The following BTBD9 variants were observed in gnomAD, a reference collection of about 807,000 sequenced individuals.
The protein encoded by BTBD9 is BTB/POZ domain-containing protein 9.
Under a neutral mutation model 64.3 loss-of-function variants are expected in BTBD9, and 49 were observed. The observed-to-expected ratio is 0.76, with a 90% CI of 0.61 to 0.97. The LOEUF (loss-of-function observed/expected upper bound fraction) is 0.97. BTBD9 is among the 50% of genes least tolerant of loss of function. The pLI, the probability that BTBD9 is intolerant of heterozygous loss-of-function variation, is 0.00. For synonymous variants in BTBD9, 260 were observed against 274.7 expected (o/e 0.95, Z 0.53); for missense variants, 598 against 762.1 (o/e 0.78, Z 2.53).
At chr6:38,592,513 G>C in intron 4 of BTBD9, 63 bp downstream of exon 4, 1 of 1,578,828 alleles carries the variant, frequency 6.3e-7, no homozygotes, top group Non-Finnish European at 8.6e-7. Flanking sequence ...TAGCTTTGCG[G>C]TTTTAATGGC....
intron 6 of BTBD9, among the ~76,000 whole-genome samples, chr6:38,464,131 G>A (rs1770233457): frequency 1.3e-5 from 2 of 152,310 alleles, no homozygotes; most frequent in East Asian, 1.9e-4. Flanking sequence ...ACACAGAGGA[G>A]TGACCATGTG....
At chr6:38,278,674 C>T (rs1315562702) in intron 8 of BTBD9, among the ~76,000 whole-genome samples, 1 of 152,174 alleles carries the variant, frequency 6.6e-6, no homozygotes, top group Non-Finnish European at 1.5e-5. Context: ...GTGAGAGCAG[C>T]TAAAGCTCCA....
chr6:38,239,743 C>T lies in BTBD9; in HGVS notation c.1562+16666G>A, dbSNP rs141504902. ...ATAATCTATCTTGTGAAAAAAGATG[C>T]CTCTGGAAATTCATCATATTGGTGG... On this transcript the variant is annotated intron_variant, in intron 9 of 10. Coordinates refer to ENST00000481247, the MANE Select transcript of BTBD9 (RefSeq NM_001099272.2). 2.0e-5 allele frequency among the ~76,000 whole-genome samples: 3 copies of T among 152,258 alleles called. No individual in the cohort carries two copies. In the East Asian group the frequency reaches 5.8e-4, roughly 29 times the overall value.
chr6:38,624,354 A>C (rs910091528), intron 1 of BTBD9, among the ~76,000 whole-genome samples: 1 of 152,096 alleles, frequency 6.6e-6, no homozygotes, highest in African/African-American at 2.4e-5. Context: ...TCTTCACAAT[A>C]AACCGTGCTA....
intron 1 of BTBD9, among the ~76,000 whole-genome samples, chr6:38,630,195 C>T (rs372974302): frequency 2.1e-5 from 3 of 140,698 alleles, no homozygotes; most frequent in African/African-American, 5.4e-5. Context: ...AGTGAAATTC[C>T]GTCTCAAAAA....
intron 6 of BTBD9, among the ~76,000 whole-genome samples, chr6:38,505,333 C>A (rs1049168989): frequency 3.3e-5 from 5 of 152,092 alleles, no homozygotes. Context: ...AACTTAAAAT[C>A]CCCTATGGAG....
At chr6:38,237,047 G>C (rs142461470) in intron 9 of BTBD9, among the ~76,000 whole-genome samples, 1 of 152,358 alleles carries the variant, frequency 6.6e-6, no homozygotes, top group African/African-American at 2.4e-5. Context: ...CTCAGTAGCT[G>C]AACTCTGTAA....
intron 6 of BTBD9, among the ~76,000 whole-genome samples, chr6:38,409,182 G>A (rs1767299864): frequency 6.6e-6 from 1 of 152,090 alleles, no homozygotes; most frequent in South Asian, 2.1e-4. Context: ...CTAGGGAGGT[G>A]GAGGTTGCAG....
chr6:38,531,809 T>C (rs1483608855), intron 6 of BTBD9, among the ~76,000 whole-genome samples: 1 of 152,198 alleles, frequency 6.6e-6, no homozygotes, highest in East Asian at 1.9e-4. Context: ...GGTTATATTA[T>C]TTTCAAGCCT....
In BTBD9 at chr6:38,194,237, G is replaced by A. The variant is rs76344667; in HGVS notation, c.1563-1640C>T. Among the ~76,000 whole-genome samples the A allele has an allele frequency of 5.7e-3, 862 of 152,256 alleles. 8 individuals are homozygous for A. The highest frequency in any genetic ancestry group is 0.019 in the African/African-American group (809 of 41,542). Reference sequence around the variant, plus strand: ...GCAGTGGAACTGACCACACACTCATGTCCTTCCTCCAGCAGGTGAGGGGAA... The same window carrying A: ...GCAGTGGAACTGACCACACACTCATATCCTTCCTCCAGCAGGTGAGGGGAA... On this transcript the variant is annotated intron_variant, in intron 9 of 10. Coordinates refer to ENST00000481247, the MANE Select transcript of BTBD9 (RefSeq NM_001099272.2).
At chr6:38,298,575 T>C (rs1762251951) in intron 7 of BTBD9, among the ~76,000 whole-genome samples, 1 of 152,204 alleles carries the variant, frequency 6.6e-6, no homozygotes, top group Non-Finnish European at 1.5e-5. Context: ...TCCCCTACTC[T>C]ACCAACAAAC....
chr6:38,393,245 T>C (rs1766517089), intron 6 of BTBD9, among the ~76,000 whole-genome samples: 3 of 152,208 alleles, frequency 2.0e-5, no homozygotes. Context: ...CATGTAGCCA[T>C]ATTTAAGGCT....
chr6:38,422,816 T>C (rs1582404467), intron 6 of BTBD9, among the ~76,000 whole-genome samples: 1 of 152,144 alleles, frequency 6.6e-6, no homozygotes, highest in East Asian at 1.9e-4. Context: ...AATCTTCTTT[T>C]TGGCCAGATG....
chr6:38,220,829 C>A (rs1015849039), intron 9 of BTBD9, among the ~76,000 whole-genome samples: 5 of 152,204 alleles, frequency 3.3e-5, no homozygotes, highest in African/African-American at 4.8e-5. Context: ...TGGGACACTA[C>A]CAGGCCTGGC....
intron 8 of BTBD9, among the ~76,000 whole-genome samples, chr6:38,256,856 T>A (rs1234539736): frequency 6.6e-6 from 1 of 152,152 alleles, no homozygotes; most frequent in Non-Finnish European, 1.5e-5. Flanking sequence ...CCACTGCTCA[T>A]GGGAGAAACT....
intron 6 of BTBD9, among the ~76,000 whole-genome samples, chr6:38,542,519 A>G (rs938991204): frequency 6.6e-6 from 1 of 152,148 alleles, no homozygotes; most frequent in African/African-American, 2.4e-5. Context: ...ACACTAATAC[A>G]GAGATTGCAA....
intron 7 of BTBD9, among the ~76,000 whole-genome samples, chr6:38,327,864 A>T (rs898310149): frequency 4.6e-5 from 7 of 152,174 alleles, no homozygotes; most frequent in African/African-American, 1.4e-4. Flanking sequence ...CAGTAGAATC[A>T]TCAGGTGTAT....
intron 9 of BTBD9, among the ~76,000 whole-genome samples, chr6:38,222,002 T>A (rs1381842225): frequency 2.0e-5 from 3 of 151,512 alleles, no homozygotes; most frequent in Non-Finnish European, 4.4e-5. Flanking sequence ...AGAAAAAAAA[T>A]AAAAAATAAA....
At chr6:38,481,743 T>C (rs1005342523) in intron 6 of BTBD9, 2 of 152,270 alleles carry the variant, frequency 1.3e-5, no homozygotes, top group African/African-American at 4.8e-5. Flanking sequence ...AGCTCCCAAG[T>C]TCAACAGCAG....
Sources: allele counts gnomAD v4.1 joint callset (sites outside exome capture counted in the v4.1 genomes callset), GRCh38; gene constraint gnomAD v4.1.1; transcripts MANE v1.5; gene names NCBI Gene and HGNC (gene_info 2026-07-23, HGNC 2026-07-21).